The following ROBO2 variants were observed in gnomAD, a reference collection of about 807,000 sequenced individuals.
ROBO2 encodes the protein roundabout guidance receptor 2.
A neutral mutation model predicts 160.8 loss-of-function variants in ROBO2; 53 were observed. The ratio of observed to expected loss-of-function variants is 0.33; its 90% CI spans 0.26 to 0.41. ROBO2 has a LOEUF of 0.41. Ranked by LOEUF, ROBO2 falls within the 10% of genes least tolerant of loss-of-function variation. ROBO2 has a pLI of 1.00. For synonymous variants in ROBO2, 664 were observed against 611.7 expected (o/e 1.09, Z -1.26); for missense variants, 1,577 against 1,722.4 (o/e 0.92, Z 1.49).
intron 2 of ROBO2, among the ~76,000 whole-genome samples, chr3:76,724,131 T>G (rs1576246650): frequency 6.6e-6 from 1 of 152,188 alleles, no homozygotes; most frequent in African/African-American, 2.4e-5. Context: ...TAATTCCTAT[T>G]AATTATACTT....
chr3:77,263,605 A>G (rs2058923521), intron 2 of ROBO2, among the ~76,000 whole-genome samples: 1 of 152,238 alleles, frequency 6.6e-6, no homozygotes, highest in Admixed American at 6.5e-5. Flanking sequence ...ATGGCTGCAT[A>G]GTATTCCATG....
intron 16 of ROBO2, among the ~76,000 whole-genome samples, chr3:77,584,476 TC>T (rs1248814495): frequency 6.6e-6 from 1 of 152,218 alleles, no homozygotes; most frequent in African/African-American, 2.4e-5. Flanking sequence ...CTCATTTTTT[TC>T]TATTTATTTG....
At chr3:77,328,818 TC>T (rs1408727599) in intron 2 of ROBO2, among the ~76,000 whole-genome samples, 1 of 152,194 alleles carries the variant, frequency 6.6e-6, no homozygotes, top group Non-Finnish European at 1.5e-5. Flanking sequence ...ATGCCTGTTA[TC>T]CCCACATTCT....
chr3:76,809,767 A>T (rs1461584729), intron 2 of ROBO2, among the ~76,000 whole-genome samples: 2 of 152,118 alleles, frequency 1.3e-5, no homozygotes, highest in Non-Finnish European at 2.9e-5. Context: ...TTCTTTTTAA[A>T]TTACCTTATA....
chr3:77,338,425 C>G (rs567682145), intron 2 of ROBO2, among the ~76,000 whole-genome samples: 71 of 152,202 alleles, frequency 4.7e-4, no homozygotes, highest in African/African-American at 1.7e-3. Context: ...AAAAAAGGAG[C>G]AGATGCGTGT....
chr3:76,988,443 G>C (rs182418070), intron 2 of ROBO2, among the ~76,000 whole-genome samples: 15 of 152,222 alleles, frequency 9.9e-5, no homozygotes, highest in African/African-American at 3.6e-4. Context: ...TTGTATTGTG[G>C]GAGTTTGGGC....
chr3:77,246,184 T>G (rs968764750), intron 2 of ROBO2, among the ~76,000 whole-genome samples: 1 of 152,172 alleles, frequency 6.6e-6, no homozygotes, highest in African/African-American at 2.4e-5. Flanking sequence ...GGAAAAGGAA[T>G]AGTAAATCTA....
intron 2 of ROBO2, among the ~76,000 whole-genome samples, chr3:76,390,797 A>G (rs576933790): frequency 2.0e-4 from 30 of 152,196 alleles, no homozygotes; most frequent in African/African-American, 7.2e-4. Context: ...AACCTATTCC[A>G]TGTGCAACTT....
chr3:76,154,728 G>T (rs1373243142), intron 2 of ROBO2, among the ~76,000 whole-genome samples: 1 of 152,160 alleles, frequency 6.6e-6, no homozygotes, highest in South Asian at 2.1e-4. Flanking sequence ...ATTGCAACTA[G>T]TCTTCAAACA....
At chr3:76,326,827 A>T (rs2073071402) in intron 2 of ROBO2, among the ~76,000 whole-genome samples, 1 of 127,436 alleles carries the variant, frequency 7.8e-6, no homozygotes, top group Non-Finnish European at 1.6e-5. Flanking sequence ...TGTCCATGTG[A>T]TCTCGTTGTT....
chr3:77,563,109 G>A, intron 10 of ROBO2, 58 bp from the exon 12 acceptor site: 1 of 1,540,326 alleles, frequency 6.5e-7, no homozygotes, highest in Non-Finnish European at 9.0e-7. Context: ...CCTTCTTTTA[G>A]GCAGTATTGT....
chr3:76,398,621 C>G (rs964206882), intron 2 of ROBO2, among the ~76,000 whole-genome samples: 2 of 151,444 alleles, frequency 1.3e-5, no homozygotes, highest in Admixed American at 6.6e-5. Context: ...GCAGTATACA[C>G]TAAACTAATA....
At chr3:76,938,839 C>T (rs867743481) in intron 2 of ROBO2, among the ~76,000 whole-genome samples, 5 of 151,890 alleles carry the variant, frequency 3.3e-5, no homozygotes, top group Middle Eastern at 3.4e-3. Context: ...GGCGTGGTGG[C>T]GCATGCCTGT....
rs1429002352 is a variant in ROBO2, at chr3:77,472,365, GTGTT to G, written c.389-5045_389-5042del. On this transcript the variant is annotated intron_variant, in intron 2 of 25. Coordinates refer to ENST00000461745, the Ensembl canonical transcript of ROBO2. ...TATTTCTTAACCAGTTCATAGGAGA[GTGTT>G]TGTCACATTACAGCATTCAATACAT... 5.9e-5 allele frequency among the ~76,000 whole-genome samples: 9 copies of G among 152,224 alleles called. No homozygotes were observed. In the East Asian group the frequency reaches 9.7e-4, roughly 16 times the overall value.
intron 2 of ROBO2, among the ~76,000 whole-genome samples, chr3:76,740,797 T>G (rs1035615734): frequency 6.6e-6 from 1 of 152,120 alleles, no homozygotes; most frequent in African/African-American, 2.4e-5. Flanking sequence ...TCCAAGATTT[T>G]TTCTTACATT....
chr3:76,976,889 C>G (rs938140841), intron 2 of ROBO2, among the ~76,000 whole-genome samples: 1 of 147,714 alleles, frequency 6.8e-6, no homozygotes, highest in East Asian at 1.9e-4. Context: ...TGCTGAAAAT[C>G]AAAGCCTAAC....
At chr3:77,032,181 C>A in intron 2 of ROBO2, among the ~76,000 whole-genome samples, 1 of 152,052 alleles carries the variant, frequency 6.6e-6, no homozygotes, top group East Asian at 1.9e-4. Context: ...ACATTCAGAC[C>A]ATAGCAGTTT....
intron 2 of ROBO2, among the ~76,000 whole-genome samples, chr3:76,192,692 A>G (rs558109814): frequency 1.3e-5 from 2 of 152,128 alleles, no homozygotes; most frequent in African/African-American, 4.8e-5. Flanking sequence ...CCACATGATA[A>G]ATTACTTCTG....
intron 2 of ROBO2, among the ~76,000 whole-genome samples, chr3:76,732,579 C>A (rs2107874783): frequency 6.6e-6 from 1 of 152,048 alleles, no homozygotes; most frequent in South Asian, 2.1e-4. Context: ...AGTGTAGTTA[C>A]CCAGTTTTAT....
Sources: allele counts gnomAD v4.1 joint callset (sites outside exome capture counted in the v4.1 genomes callset), GRCh38; gene constraint gnomAD v4.1.1; transcripts MANE v1.5; gene names NCBI Gene and HGNC (gene_info 2026-07-23, HGNC 2026-07-21).